The following BLOC1S5 variants were observed in gnomAD, a reference collection of about 807,000 sequenced individuals.
BLOC1S5 encodes the protein biogenesis of lysosome-related organelles complex 1 subunit 5.
BLOC1S5 carries 27 observed loss-of-function variants against 24.3 expected under a neutral mutation model. The ratio of observed to expected loss-of-function variants is 1.11; its 90% CI spans 0.82 to 1.53. The LOEUF (loss-of-function observed/expected upper bound fraction) is 1.53. Ranked by LOEUF, BLOC1S5 falls within the 40% of genes most tolerant of loss-of-function variation. The probability of loss-of-function intolerance (pLI) is 0.00; values close to 1 mark genes in which losing one functional copy is unlikely to be tolerated. For missense variants in BLOC1S5, 239 were observed against 229.4 expected, an observed-to-expected ratio of 1.04 and a Z score of -0.27; for synonymous variants, 84 against 74.5, an observed-to-expected ratio of 1.13 and a Z score of -0.66.
intron 3 of BLOC1S5, among the ~76,000 whole-genome samples, chr6:8,030,816 G>C (rs1489039923): frequency 2.1e-5 from 3 of 143,902 alleles, no homozygotes; most frequent in African/African-American, 5.2e-5. Flanking sequence ...AGGTTGCAGT[G>C]AGCCAAGATC....
chr6:8,051,896 A>T (rs988025472), intron 2 of BLOC1S5, among the ~76,000 whole-genome samples: 2 of 151,894 alleles, frequency 1.3e-5, no homozygotes, highest in Non-Finnish European at 2.9e-5. Flanking sequence ...CAATGACAAT[A>T]CACCTGGTTA....
chr6:8,047,772 T>A (rs1561867191), intron 2 of BLOC1S5, among the ~76,000 whole-genome samples: 1 of 152,214 alleles, frequency 6.6e-6, no homozygotes, highest in African/African-American at 2.4e-5. Context: ...CTGATCAAAT[T>A]CAGGGTTCTG....
intron 2 of BLOC1S5, among the ~76,000 whole-genome samples, chr6:8,049,723 T>C (rs1764039888): frequency 6.6e-6 from 1 of 152,142 alleles, no homozygotes; most frequent in East Asian, 1.9e-4. Flanking sequence ...TATACTTTTT[T>C]TTTTTTGAGA....
chr6:8,054,375 G>C, intron 2 of BLOC1S5: 1 of 362,864 alleles, frequency 2.8e-6, no homozygotes, highest in Non-Finnish European at 5.4e-6. Context: ...TCTTCATTCT[G>C]TAAGTAAATA....
intron 2 of BLOC1S5, among the ~76,000 whole-genome samples, chr6:8,053,277 C>T (rs984415838): frequency 5.3e-5 from 8 of 152,152 alleles, no homozygotes; most frequent in Non-Finnish European, 8.8e-5. Context: ...GTGGGTAAAA[C>T]GCTACCAAGC....
intron 2 of BLOC1S5, among the ~76,000 whole-genome samples, chr6:8,054,931 C>T (rs1181690918): frequency 6.6e-6 from 1 of 152,148 alleles, no homozygotes; most frequent in Non-Finnish European, 1.5e-5. Flanking sequence ...CACTTAAGGA[C>T]TCTTCAGTTG....
At chr6:8,061,964 T>C (rs1429634586) in intron 2 of BLOC1S5, among the ~76,000 whole-genome samples, 1 of 152,178 alleles carries the variant, frequency 6.6e-6, no homozygotes, top group Non-Finnish European at 1.5e-5. Context: ...ATCAAAGGTT[T>C]TAAAAAGTGA....
intron 2 of BLOC1S5, among the ~76,000 whole-genome samples, chr6:8,057,055 T>TA (rs1215141959): frequency 6.6e-6 from 1 of 151,912 alleles, no homozygotes; most frequent in East Asian, 1.9e-4. Context: ...TGTTCTCTAC[T>TA]AAAAAAATAC....
At chr6:8,021,755 T>C (rs991624457) in intron 4 of BLOC1S5, among the ~76,000 whole-genome samples, 1 of 152,018 alleles carries the variant, frequency 6.6e-6, no homozygotes, top group Non-Finnish European at 1.5e-5. Flanking sequence ...TTTGCCACAA[T>C]AAAAAAAATT....
chr6:8,062,374 C>T (rs115032676), intron 2 of BLOC1S5, among the ~76,000 whole-genome samples, 160 bp downstream of exon 2: 1,947 of 152,216 alleles, frequency 0.013, 47 homozygotes, highest in African/African-American at 0.044. Flanking sequence ...GAACTTATCC[C>T]ATTAAAAACA....
At chr6:8,051,995 C>T (rs6913177) in intron 2 of BLOC1S5, among the ~76,000 whole-genome samples, 3,130 of 109,044 alleles carry the variant, frequency 0.029, 126 homozygotes, top group African/African-American at 0.097. Context: ...TTTTTTGAGA[C>T]GGAGTCTTGC....
At chr6:8,054,563 G>A (rs1454455758) in intron 2 of BLOC1S5, among the ~76,000 whole-genome samples, 2 of 152,178 alleles carry the variant, frequency 1.3e-5, no homozygotes, top group Admixed American at 6.5e-5. Context: ...AATTTGGCTG[G>A]ATATAAAGCC....
intron 2 of BLOC1S5, among the ~76,000 whole-genome samples, chr6:8,047,510 C>A (rs931508162): frequency 1.3e-5 from 2 of 152,020 alleles, no homozygotes; most frequent in African/African-American, 4.8e-5. Context: ...GTTTTTTATC[C>A]CCCAGTTTGT....
intron 2 of BLOC1S5, among the ~76,000 whole-genome samples, chr6:8,046,928 C>T (rs1316581237): frequency 6.6e-6 from 1 of 151,442 alleles, no homozygotes; most frequent in African/African-American, 2.4e-5. Flanking sequence ...GTGCACACCA[C>T]CACACCTGGC....
chr6:8,050,748 A>G (rs1253905818), intron 2 of BLOC1S5, among the ~76,000 whole-genome samples: 2 of 151,954 alleles, frequency 1.3e-5, no homozygotes, highest in East Asian at 2.0e-4. Flanking sequence ...GACTACAGCC[A>G]AGTGCCACAA....
chr6:8,035,685 T>C (rs1415660066), intron 3 of BLOC1S5, among the ~76,000 whole-genome samples: 1 of 151,728 alleles, frequency 6.6e-6, no homozygotes, highest in Non-Finnish European at 1.5e-5. Context: ...AGCAAGAGGG[T>C]TGTAACAATT....
intron 3 of BLOC1S5, chr6:8,027,547 A>C: frequency 2.4e-6 from 1 of 414,762 alleles, no homozygotes; most frequent in East Asian, 7.2e-5. Flanking sequence ...TAAAATAAGC[A>C]GTCAGGCCGG....
At chr6:8,054,854 G>A (rs776843963) in intron 2 of BLOC1S5, among the ~76,000 whole-genome samples, 2 of 152,004 alleles carry the variant, frequency 1.3e-5, no homozygotes, top group Admixed American at 6.6e-5. Flanking sequence ...CTATTACATC[G>A]CTTTGGTCTT....
chr6:8,041,910 T>C (rs996623112), intron 2 of BLOC1S5: 1 of 152,146 alleles, frequency 6.6e-6, no homozygotes, highest in African/African-American at 2.4e-5. Context: ...CCTCCCAAAG[T>C]GCTGGGATTA....
Sources: allele counts gnomAD v4.1 joint callset (sites outside exome capture counted in the v4.1 genomes callset), GRCh38; gene constraint gnomAD v4.1.1; transcripts MANE v1.5; gene names NCBI Gene and HGNC (gene_info 2026-07-23, HGNC 2026-07-21).